Variants in DYSF observed in about 807,000 individuals in gnomAD.
The protein encoded by DYSF is dysferlin.
A neutral mutation model predicts 274.9 loss-of-function variants in DYSF; 212 were observed. The ratio of observed to expected loss-of-function variants is 0.77; its 90% confidence interval spans 0.69 to 0.86. The LOEUF is 0.86. DYSF is among the 40% of genes least tolerant of loss of function. DYSF has a pLI of 0.00. For missense variants in DYSF, 2,666 were observed against 2,783.2 expected, an observed-to-expected ratio of 0.96 and a Z score of 0.95; for synonymous variants, 1,091 against 1,078.7, an observed-to-expected ratio of 1.01 and a Z score of -0.22.
At chr2:71,539,076 C>A in intron 16 of DYSF, 81 bp from the exon 17 acceptor site, 1 of 1,297,588 alleles carries the variant, frequency 7.7e-7, no homozygotes, top group African/African-American at 1.5e-5. Context: ...TGATGTGTAA[C>A]CGAGGCCGCA....
intron 1 of DYSF, among the ~76,000 whole-genome samples, chr2:71,473,547 G>A (rs779709258): frequency 1.3e-5 from 2 of 152,106 alleles, no homozygotes; most frequent in Non-Finnish European, 2.9e-5. Context: ...CTGGGAGTCT[G>A]AGACACCGCA....
intron 53 of DYSF, 124 bp downstream of exon 53, chr2:71,679,359 GC>G: frequency 1.0e-6 from 1 of 956,336 alleles, no homozygotes; most frequent in Non-Finnish European, 1.6e-6. Flanking sequence ...CCCCTCTCCT[GC>G]CCCCATCCCC....
chr2:71,653,596 TG>T (rs2094707145), intron 42 of DYSF, among the ~76,000 whole-genome samples: 1 of 135,774 alleles, frequency 7.4e-6, no homozygotes, highest in South Asian at 2.3e-4. Context: ...CACTCATAGG[TG>T]GGAATTGAAC....
intron 24 of DYSF, among the ~76,000 whole-genome samples, chr2:71,565,929 C>A (rs1442887982): frequency 6.6e-6 from 1 of 152,234 alleles, no homozygotes; most frequent in Non-Finnish European, 1.5e-5. Context: ...CTATGCGTGC[C>A]ATGACTGGAG....
intron 52 of DYSF, among the ~76,000 whole-genome samples, chr2:71,677,893 G>A (rs893127356): frequency 6.6e-6 from 1 of 152,116 alleles, no homozygotes; most frequent in Non-Finnish European, 1.5e-5. Context: ...GTGTGCTAAC[G>A]TTCACTGCAA....
chr2:71,658,999 C>T lies in DYSF; in HGVS notation c.4877C>T (p.Ala1626Val). 1 of 1,614,192 alleles carries T rather than the reference C, an allele frequency of 6.2e-7. No homozygotes were observed. Among genetic ancestry groups the T allele is most frequent in the East Asian group, 2.2e-5 (1 of 44,886 alleles). Residue 1626 changes from alanine (A) to valine (V), a missense_variant, in exon 44 of 56, where the codon GCA (alanine) becomes GTA (valine). This residue lies in a region of DYSF where 1,460 missense variants were observed against 1,502.1 expected (regional missense o/e 0.97). Transcript: ENST00000410020. ...ECLVRIYIVR[A>V]FGLQPKDPNG... is the part of the protein sequence containing the mutation. ...TTGGTCCGTATCTACATTGTCCGAG[C>T]ATTTGGCCTGCAGCCCAAGGACCCC...
chr2:71,516,878 G>A (rs1177512730), intron 9 of DYSF, 111 bp from the exon 10 acceptor site: 1 of 969,708 alleles, frequency 1.0e-6, no homozygotes, highest in Non-Finnish European at 1.7e-6. Context: ...CTCTGGAATT[G>A]AGTAAGTGTG....
intron 42 of DYSF, among the ~76,000 whole-genome samples, chr2:71,650,510 T>C (rs1437981288): frequency 6.6e-6 from 1 of 151,750 alleles, no homozygotes; most frequent in East Asian, 1.9e-4. Flanking sequence ...AAATAAAAAA[T>C]AAAAGGTCAG....
intron 41 of DYSF, among the ~76,000 whole-genome samples, chr2:71,635,775 AAG>A (rs1279087092): frequency 1.8e-4 from 23 of 131,046 alleles, no homozygotes; most frequent in African/African-American, 5.2e-4. Flanking sequence ...AGAAAGAAAA[AAG>A]AAAAAGAAAA....
chr2:71,636,567 G>A (rs1343085216), intron 41 of DYSF, among the ~76,000 whole-genome samples: 1 of 152,144 alleles, frequency 6.6e-6, no homozygotes, highest in Non-Finnish European at 1.5e-5. Flanking sequence ...GGAGCAGACT[G>A]GGCAGGGATG....
In DYSF at chr2:71,466,758, G is replaced by C; in HGVS notation, c.-85G>C. Reference sequence around the variant, plus strand: ...CTCTTGGCGCGGCTGCCTGGGAGCCGGGCGCTTGCTGGGTGGGTGCTCGGG... The same window carrying C: ...CTCTTGGCGCGGCTGCCTGGGAGCCCGGCGCTTGCTGGGTGGGTGCTCGGG... On this transcript the variant is annotated 5_prime_UTR_variant, in exon 1 of 56. Coordinates refer to ENST00000410020, the MANE Select transcript of DYSF (RefSeq NM_001130987.2). 4 of 1,413,712 alleles carry C rather than the reference G, an allele frequency of 2.8e-6. No homozygotes were observed. The highest frequency in any genetic ancestry group is 3.7e-6 in the Non-Finnish European group (4 of 1,078,900). The allele number at this position is 1,413,712 out of a possible 1,614,324, so 87.6% of individuals were successfully genotyped here.
chr2:71,465,151 A>G (rs1267677945), upstream of DYSF, among the ~76,000 whole-genome samples: 1 of 152,072 alleles, frequency 6.6e-6, no homozygotes, highest in Non-Finnish European at 1.5e-5. Flanking sequence ...TGCCGATGGG[A>G]TGATCCGGTA....
chr2:71,473,455 A>T (rs976686638), intron 1 of DYSF, among the ~76,000 whole-genome samples: 1 of 152,178 alleles, frequency 6.6e-6, no homozygotes, highest in Non-Finnish European at 1.5e-5. Context: ...CTGCTGCAGG[A>T]TCCAAAGCCC....
intron 17 of DYSF, among the ~76,000 whole-genome samples, chr2:71,543,617 C>G (rs7571396): frequency 0.023 from 3,560 of 152,338 alleles, 135 homozygotes; most frequent in African/African-American, 0.08. Context: ...CCCAGCACCT[C>G]AGGAGGCGGA....
chr2:71,609,016 A>G (rs1310442972), intron 36 of DYSF, among the ~76,000 whole-genome samples: 2 of 151,966 alleles, frequency 1.3e-5, no homozygotes, highest in Non-Finnish European at 2.9e-5. Context: ...GGGGCCATGA[A>G]CAGACCACAA....
At chr2:71,459,842 G>A (rs2081213104) in intron 1 of DYSF, among the ~76,000 whole-genome samples, 1 of 152,088 alleles carries the variant, frequency 6.6e-6, no homozygotes. Flanking sequence ...ACAGGATGGA[G>A]TGAGTGGGAG....
chr2:71,534,912 T>C (rs1350211200), intron 14 of DYSF, 109 bp from the exon 15 acceptor site: 6 of 1,210,290 alleles, frequency 5.0e-6, no homozygotes, highest in Middle Eastern at 1.9e-4. Flanking sequence ...CACCCAGCCC[T>C]AAGGGCAGCC....
chr2:71,641,370 G>A (rs961862784), intron 41 of DYSF, among the ~76,000 whole-genome samples: 75 of 151,738 alleles, frequency 4.9e-4, no homozygotes, highest in Non-Finnish European at 6.2e-4. Flanking sequence ...TAGTAGAGAC[G>A]GGGTTTCACC....
Position 71,601,511 on chromosome 2 carries a change from C to T in DYSF, c.3910C>T (p.His1304Tyr). Residue 1304 changes from histidine to tyrosine, a missense_variant, in exon 35 of 56, where the codon CAT becomes TAT. Transcript: ENST00000410020. ...LIQREKPAIH[H>Y]IPGFEVQETS... ...TTCTTCACTCCAGCCGGCCATCCAC[C>T]ATATTCCTGGTTTTGAGGTAAGTCT... 1 of 1,614,194 alleles carries T rather than the reference C, an allele frequency of 6.2e-7. No homozygotes were observed. Among genetic ancestry groups the T allele is most frequent in the Non-Finnish European group, 8.5e-7 (1 of 1,180,042 alleles).
Sources: allele counts gnomAD v4.1 joint callset (sites outside exome capture counted in the v4.1 genomes callset), GRCh38; gene constraint gnomAD v4.1.1; regional missense constraint gnomAD v4.1.1; transcripts MANE v1.5; gene names NCBI Gene and HGNC (gene_info 2026-07-23, HGNC 2026-07-21).